Variants in IFT140 observed in about 807,000 individuals in gnomAD.
IFT140 encodes the protein intraflagellar transport 140.
In IFT140, 133 loss-of-function variants were observed where a neutral mutation model predicts 164.6. The ratio of observed to expected loss-of-function variants is 0.81; its 90% confidence interval spans 0.70 to 0.93. The LOEUF (loss-of-function observed/expected upper bound fraction) is 0.93. Ranked by LOEUF, IFT140 falls within the 40% of genes least tolerant of loss-of-function variation. The pLI, the probability that IFT140 is intolerant of heterozygous loss-of-function variation, is 0.00. For synonymous variants in IFT140, 860 were observed against 817.3 expected, an observed-to-expected ratio of 1.05 and a Z score of -0.89; for missense variants, 2,045 against 1,972.3, an observed-to-expected ratio of 1.04 and a Z score of -0.70.
rs909819118 is a variant in IFT140, at chr16:1,589,517, T to C, written c.810+88A>G. ...TTGATAGGCTTTTTTTCAGTCTTGC[T>C]ATCCAGAAGAGAAAGGGCCGTCAAC... On this transcript the variant is annotated intron_variant, in intron 7 of 30. Transcript: ENST00000426508. The C allele has an allele frequency of 4.1e-5, 56 of 1,365,536 alleles. No individual in the cohort carries two copies. The South Asian group carries it at 5.5e-4, about 13-fold the overall frequency. The allele number at this position is 1,365,536 out of a possible 1,614,324, so 84.6% of individuals were successfully genotyped here.
rs770458439 is a variant in IFT140, at chr16:1,520,697, G to T, written c.3565C>A (p.Arg1189=). 2 of 1,611,136 alleles carry T rather than the reference G, an allele frequency of 1.2e-6. No homozygotes were observed. The highest frequency in any genetic ancestry group is 2.2e-5 in the East Asian group (1 of 44,860). ...TCTGCTATCTGCTCCAGCAGCTCCCGCCGCGACTCCTCAGGCAGGTCCGAG... is the reference window on the plus strand; with the variant it reads ...TCTGCTATCTGCTCCAGCAGCTCCCTCCGCGACTCCTCAGGCAGGTCCGAG... ...DSSDLPEESR[R]ELLEQIADCC... is the part of the protein sequence containing the mutation. Residue 1189 remains arginine (R), a synonymous_variant, in exon 27 of 31, where the codon CGG becomes AGG. Transcript: ENST00000426508.
intron 13 of IFT140, chr16:1,577,224 C>T (rs563347619): frequency 2.0e-5 from 3 of 152,248 alleles, no homozygotes; most frequent in South Asian, 4.2e-4. Flanking sequence ...CAGATGTGGA[C>T]GCCACCTGTG....
intron 18 of IFT140, among the ~76,000 whole-genome samples, chr16:1,559,964 T>C (rs1002334717): frequency 2.6e-5 from 4 of 151,654 alleles, no homozygotes; most frequent in Admixed American, 2.0e-4. Context: ...AGGTGAGAAA[T>C]GAGAGAGAAA....
chr16:1,550,979 G>A (rs1262414564), intron 19 of IFT140, among the ~76,000 whole-genome samples: 1 of 152,170 alleles, frequency 6.6e-6, no homozygotes, highest in Non-Finnish European at 1.5e-5. Context: ...GTGAGCATTC[G>A]AGGGCACCAG....
At chr16:1,606,283 T>C (rs184646091) in intron 3 of IFT140, among the ~76,000 whole-genome samples, 1 of 152,366 alleles carries the variant, frequency 6.6e-6, no homozygotes, top group Non-Finnish European at 1.5e-5. Context: ...AACAGCACTG[T>C]GGGGACATTT....
At chr16:1,537,180 G>A (rs1291554428) in intron 19 of IFT140, among the ~76,000 whole-genome samples, 1 of 152,206 alleles carries the variant, frequency 6.6e-6, no homozygotes, top group Non-Finnish European at 1.5e-5. Context: ...GTCGGGGTGG[G>A]GCAAGCCAGG....
rs750405092 is a variant in IFT140, at chr16:1,525,281, C to T, written c.2814G>A (p.Leu938=). Residue 938 remains leucine, a synonymous_variant, in exon 22 of 31, where the codon CTG becomes CTA. Transcript: ENST00000426508. The part of the protein sequence containing the change: ...DTHRFEVPRM[L]SEDLPSLELY... ...GCTCCAGGGACGGCAGGTCCTCCGA[C>T]AGCATCCTGGGCACCTCGAAGCGGT... 1 of 1,612,892 alleles carries T rather than the reference C, an allele frequency of 6.2e-7. No individual in the cohort carries two copies. Among genetic ancestry groups the T allele is most frequent in the Non-Finnish European group, 8.5e-7 (1 of 1,179,976 alleles).
At chr16:1,568,927 C>T (rs1439160848) in intron 14 of IFT140, among the ~76,000 whole-genome samples, 2 of 152,096 alleles carry the variant, frequency 1.3e-5, no homozygotes, top group African/African-American at 2.4e-5. Context: ...CTATTTAACT[C>T]GTCCCCTGCC....
intron 19 of IFT140, chr16:1,534,396 C>T (rs772986376): frequency 1.4e-5 from 22 of 1,612,500 alleles, no homozygotes; most frequent in Admixed American, 3.3e-5. Flanking sequence ...TGGGCGCAGG[C>T]GCAGCGTGGG....
intron 30 of IFT140, among the ~76,000 whole-genome samples, chr16:1,517,196 C>T (rs1489609699): frequency 6.6e-6 from 1 of 151,960 alleles, no homozygotes; most frequent in Non-Finnish European, 1.5e-5. Flanking sequence ...ATGGTGAAAC[C>T]CCATCTCTAC....
chr16:1,571,397 A>G lies in IFT140; in HGVS notation c.1652+10T>C. ...AAATGTTCACACTTCTATTTGGAAA[A>G]AAAATTTACCTTCGGGAAAGATCAA... On this transcript the variant is annotated intron_variant, in intron 14 of 30. Transcript: ENST00000426508. The G allele has an allele frequency of 6.2e-7, 1 of 1,608,458 alleles. No individual in the cohort carries two copies.
intron 30 of IFT140, among the ~76,000 whole-genome samples, chr16:1,511,521 G>T (rs536418953): frequency 6.6e-5 from 10 of 152,316 alleles, no homozygotes; most frequent in East Asian, 5.8e-4. Context: ...CGAGTCTTGC[G>T]GGTGGACATG....
At position 1,564,549 on chromosome 16, in the gene IFT140, T is replaced by C. The variant is rs931977721; in HGVS notation, c.1902-387A>G. Among the ~76,000 whole-genome samples the C allele has an allele frequency of 6.6e-6, 1 of 152,200 alleles. No homozygotes were observed. The highest frequency in any genetic ancestry group is 2.4e-5 in the African/African-American group (1 of 41,446). On this transcript the variant is annotated intron_variant, in intron 16 of 30. Transcript: ENST00000426508. The surrounding 1 kb of genome is among the most constrained non-coding windows in gnomAD (Gnocchi z 5.5). ...GGTCGAGGCTTTGGCTCTGTGGTCA[T>C]GCCGGGTTCCTTGTCCCCACCGGTC... is the stretch of plus-strand genomic sequence containing the variant.
chr16:1,526,359 T>C, intron 20 of IFT140: 1 of 471,484 alleles, frequency 2.1e-6, no homozygotes, highest in Non-Finnish European at 3.8e-6. Context: ...TCAGCCCTGC[T>C]GACCTGGGGG....
chr16:1,527,657 G>A (rs981984176), intron 19 of IFT140, among the ~76,000 whole-genome samples: 15 of 152,066 alleles, frequency 9.9e-5, no homozygotes, highest in Non-Finnish European at 1.5e-4. Context: ...TTCCAGCCTC[G>A]ACCTCCTGAG....
At chr16:1,530,131 A>ATTTTTTTTTTTTTTTTT (rs2030295926) in intron 19 of IFT140, among the ~76,000 whole-genome samples, 13 of 126,526 alleles carry the variant, frequency 1.0e-4, no homozygotes, top group African/African-American at 2.2e-4. Flanking sequence ...CACGACGGGA[A>ATTTTTTTTTTTTTTTTT]TCTTTTTTTT....
chr16:1,587,197 C>G lies in IFT140; in HGVS notation c.1009+1G>C. 1 of 1,594,388 alleles carries G rather than the reference C, an allele frequency of 6.3e-7. No individual in the cohort carries two copies. The highest frequency in any genetic ancestry group is 8.6e-7 in the Non-Finnish European group (1 of 1,162,246). The stretch of plus-strand genomic sequence containing the variant: ...TCTTGTGCCAGGCCAGGAAGCCTCA[C>G]CTTTGACTTTACAGTAACACACACA... On this transcript the variant is annotated splice_donor_variant, in intron 9 of 30. Coordinates refer to ENST00000426508, the MANE Select transcript of IFT140 (RefSeq NM_014714.4). LOFTEE classifies it high-confidence loss of function.
chr16:1,548,108 C>A (rs1351481000), intron 19 of IFT140, among the ~76,000 whole-genome samples: 1 of 152,234 alleles, frequency 6.6e-6, no homozygotes, highest in Non-Finnish European at 1.5e-5. Flanking sequence ...CCTCCCAGGG[C>A]CTCTCCCTCT....
chr16:1,520,809 C>T lies in IFT140; in HGVS notation c.3454-1G>A. On this transcript the variant is annotated splice_acceptor_variant, in intron 26 of 30. Transcript: ENST00000426508. LOFTEE classifies it high-confidence loss of function. Reference sequence around the variant, plus strand: ...GGCACAGCTGCAGGGCTTCCTGATACTGCAAAGGTGCAGAAATGGGACGGG... The same window carrying T: ...GGCACAGCTGCAGGGCTTCCTGATATTGCAAAGGTGCAGAAATGGGACGGG... The T allele has an allele frequency of 1.2e-6, 2 of 1,601,728 alleles. No individual in the cohort carries two copies. Among genetic ancestry groups the T allele is most frequent in the Non-Finnish European group, 1.7e-6 (2 of 1,179,722 alleles).
Sources: allele counts gnomAD v4.1 joint callset (sites outside exome capture counted in the v4.1 genomes callset), GRCh38; gene constraint gnomAD v4.1.1; non-coding constraint Gnocchi (gnomAD v3.1); transcripts MANE v1.5; gene names NCBI Gene and HGNC (gene_info 2026-07-23, HGNC 2026-07-21).